Variants in PILRA observed in about 807,000 individuals in gnomAD.
PILRA encodes paired immunoglobin like type 2 receptor alpha, also known as paired immunoglobulin-like type 2 receptor alpha.
Under a neutral mutation model 33.1 loss-of-function variants are expected in PILRA, and 37 were observed. That is an observed-to-expected ratio of 1.12 (90% CI 0.86 to 1.47). The LOEUF (loss-of-function observed/expected upper bound fraction) is 1.47. Among genes scored for constraint, PILRA ranks in the 40% most tolerant of loss-of-function variants. PILRA has a pLI of 0.00. For synonymous variants in PILRA, 146 were observed against 149.9 expected (o/e 0.97, Z 0.19); for missense variants, 312 against 376.2 (o/e 0.83, Z 1.41).
At chr7:100,372,014 G>T (rs1406862762), upstream of PILRA, among the ~76,000 whole-genome samples, 1 of 152,202 alleles carries the variant, frequency 6.6e-6, no homozygotes, top group Non-Finnish European at 1.5e-5. Context: ...ACATTGGACA[G>T]CCTGGTAAGC....
rs145101042 is a variant in PILRA, at chr7:100,373,942, C to G, written c.65-102C>G. The G allele has an allele frequency of 2.0e-3, 2,903 of 1,460,836 alleles. 40 individuals carry two copies. The African/African-American group carries it at 0.036, about 18-fold the overall frequency. The allele number at this position is 1,460,836 out of a possible 1,614,324, so 90.5% of individuals were successfully genotyped here. A position where few individuals can be genotyped will look rare whatever the true frequency, so the allele number is the denominator to read the frequency against. ...GAGGTCAGTCCAGCCACCTGTCACA[C>G]GACTGCCTGTGGGTGAAGGTGCGGG... is the stretch of plus-strand genomic sequence containing the variant. On this transcript the variant is annotated intron_variant, in intron 1 of 6. Transcript: ENST00000198536.
chr7:100,391,209 A>C (rs929184589), intron 3 of PILRA, among the ~76,000 whole-genome samples: 3 of 146,156 alleles, frequency 2.1e-5, no homozygotes, highest in Non-Finnish European at 4.5e-5. Flanking sequence ...TATTATTATT[A>C]GCTGGGCATG....
At chr7:100,376,614 A>G (rs1452061597) in intron 2 of PILRA, among the ~76,000 whole-genome samples, 1 of 149,716 alleles carries the variant, frequency 6.7e-6, no homozygotes, top group Non-Finnish European at 1.5e-5. Flanking sequence ...CCAAGTAGCT[A>G]GAATTACAGG....
chr7:100,373,552 C>G lies in PILRA; in HGVS notation c.-105C>G. On this transcript the variant is annotated 5_prime_UTR_variant, in exon 1 of 7. Transcript: ENST00000198536. ...CACAGCCCTCTTCGGAGCCTGAGCC[C>G]GGCTCTCCTCACTCACCTCAACCCC... 2 of 1,322,070 alleles carry G rather than the reference C, an allele frequency of 1.5e-6. No individual in the cohort carries two copies. Among genetic ancestry groups the G allele is most frequent in the Non-Finnish European group, 2.2e-6 (2 of 924,640 alleles). The allele number at this position is 1,322,070 out of a possible 1,614,324, so 81.9% of individuals were successfully genotyped here. A position where few individuals can be genotyped will look rare whatever the true frequency, so the allele number is the denominator to read the frequency against.
chr7:100,399,234 C>A, intron 4 of PILRA, 57 bp from the exon 5 acceptor site: 1 of 1,298,864 alleles, frequency 7.7e-7, no homozygotes, highest in East Asian at 2.3e-5. Context: ...ACCACCCAGC[C>A]CATGTCTTAA....
At chr7:100,371,663 C>A (rs1266808694), upstream of PILRA, among the ~76,000 whole-genome samples, 1 of 152,216 alleles carries the variant, frequency 6.6e-6, no homozygotes, top group Non-Finnish European at 1.5e-5. Context: ...TAAGGGGCTG[C>A]ATTTAGGCTC....
intron 3 of PILRA, among the ~76,000 whole-genome samples, chr7:100,391,846 T>C: frequency 6.6e-6 from 1 of 152,182 alleles, no homozygotes; most frequent in East Asian, 1.9e-4. Context: ...CCTCATTTAA[T>C]TTGGGATCTG....
intron 2 of PILRA, among the ~76,000 whole-genome samples, chr7:100,375,802 C>G (rs1790933123): frequency 6.6e-6 from 1 of 152,240 alleles, no homozygotes; most frequent in Non-Finnish European, 1.5e-5. Context: ...CTCACCTAAC[C>G]TCTAGCTACA....
intron 2 of PILRA, among the ~76,000 whole-genome samples, chr7:100,383,285 T>C (rs1334393252): frequency 1.3e-5 from 2 of 152,086 alleles, no homozygotes; most frequent in Non-Finnish European, 2.9e-5. Flanking sequence ...AACTGTGGCC[T>C]CTGGAGTCAG....
At chr7:100,383,803 A>C (rs1361639679) in intron 2 of PILRA, among the ~76,000 whole-genome samples, 1 of 151,760 alleles carries the variant, frequency 6.6e-6, no homozygotes, top group Non-Finnish European at 1.5e-5. Context: ...CACCCGGCTA[A>C]TTTTTATGTT....
chr7:100,375,679 C>A (rs2130159950), intron 2 of PILRA, among the ~76,000 whole-genome samples: 1 of 152,326 alleles, frequency 6.6e-6, no homozygotes, highest in South Asian at 2.1e-4. Context: ...TTGAGGTGAG[C>A]TGAGATCGAG....
chr7:100,385,405 A>T (rs935376276), intron 2 of PILRA, among the ~76,000 whole-genome samples: 1 of 152,194 alleles, frequency 6.6e-6, no homozygotes, highest in Non-Finnish European at 1.5e-5. Context: ...ATACTTACAC[A>T]TAATTTAAAA....
intron 3 of PILRA, among the ~76,000 whole-genome samples, chr7:100,395,401 G>C (rs1211657009): frequency 6.6e-6 from 1 of 152,172 alleles, no homozygotes; most frequent in African/African-American, 2.4e-5. Context: ...GAAAGACACA[G>C]CAAAAAGCAA....
chr7:100,389,389 G>A (rs1434847989), intron 2 of PILRA, among the ~76,000 whole-genome samples: 1 of 152,128 alleles, frequency 6.6e-6, no homozygotes, highest in Non-Finnish European at 1.5e-5. Flanking sequence ...ATGTAGAAAT[G>A]GTTAAAATGA....
At chr7:100,373,742 G>C (rs1244853854) in intron 1 of PILRA, 22 bp downstream of exon 1, 2 of 1,612,518 alleles carry the variant, frequency 1.2e-6, no homozygotes, top group Non-Finnish European at 1.7e-6. Context: ...GGACCACCCA[G>C]ATGTGGGCTC....
chr7:100,391,159 T>C (rs1791382011), intron 3 of PILRA, among the ~76,000 whole-genome samples: 1 of 139,176 alleles, frequency 7.2e-6, no homozygotes, highest in Non-Finnish European at 1.5e-5. Context: ...TACAAAATAA[T>C]AATAACAATA....
intron 3 of PILRA, among the ~76,000 whole-genome samples, chr7:100,396,110 C>T (rs997816243): frequency 2.6e-5 from 4 of 151,642 alleles, no homozygotes; most frequent in East Asian, 1.9e-4. Context: ...GATGACAGAG[C>T]GAGACTTCAT....
chr7:100,392,842 T>G (rs908146602), intron 3 of PILRA, among the ~76,000 whole-genome samples: 3 of 152,148 alleles, frequency 2.0e-5, no homozygotes, highest in African/African-American at 7.2e-5. Flanking sequence ...ACCTCATAAT[T>G]TGTACCAAAA....
chr7:100,378,053 A>C (rs556302214), intron 2 of PILRA, among the ~76,000 whole-genome samples: 3 of 152,252 alleles, frequency 2.0e-5, no homozygotes, highest in African/African-American at 7.2e-5. Flanking sequence ...CTCCTTCCTC[A>C]AAAACTTTTT....
Sources: allele counts gnomAD v4.1 joint callset (sites outside exome capture counted in the v4.1 genomes callset), GRCh38; gene constraint gnomAD v4.1.1; transcripts MANE v1.5; gene names NCBI Gene and HGNC (gene_info 2026-07-23, HGNC 2026-07-21).